The following GLIS3 variants were observed in gnomAD, a reference collection of about 807,000 sequenced individuals.
GLIS3 encodes GLIS family zinc finger 3.
In GLIS3, 53 loss-of-function variants were observed where a neutral mutation model predicts 78.6. The observed-to-expected ratio is 0.67, with a 90% CI of 0.54 to 0.85. The LOEUF (loss-of-function observed/expected upper bound fraction) is 0.85. Among genes scored for constraint, GLIS3 ranks in the 40% least tolerant of loss-of-function variants. The pLI is 0.00. For missense variants in GLIS3, 1,703 were observed against 1,231.1 expected, an observed-to-expected ratio of 1.38 and a Z score of -5.74; for synonymous variants, 684 against 509.9, an observed-to-expected ratio of 1.34 and a Z score of -4.60.
At chr9:4,003,364 C>G (rs1393595977) in intron 4 of GLIS3, among the ~76,000 whole-genome samples, 5 of 151,982 alleles carry the variant, frequency 3.3e-5, no homozygotes, top group Non-Finnish European at 7.4e-5. Flanking sequence ...AGAAAGAGGA[C>G]AGAGATAGAG....
intron 2 of GLIS3, among the ~76,000 whole-genome samples, chr9:4,149,352 C>CAA (rs1564119704): frequency 1.3e-5 from 2 of 152,162 alleles, no homozygotes; most frequent in East Asian, 3.8e-4. Context: ...AGTGAGTATT[C>CAA]AAACCCCAGC....
chr9:4,298,533 G>T, intron 1 of GLIS3: 4 of 376,104 alleles, frequency 1.1e-5, no homozygotes, highest in Non-Finnish European at 2.1e-5. Context: ...GGAGAGAGCC[G>T]GCGGCTCACT....
the GLIS3 span, among the ~76,000 whole-genome samples, chr9:4,381,469 G>C: frequency 7.9e-5 from 12 of 152,292 alleles, no homozygotes; most frequent in African/African-American, 2.9e-4. Flanking sequence ...AAATGGATGG[G>C]TAAATCAAGT....
rs1384835478 is a variant in GLIS3 at position 3,937,086 on chromosome 9, T to G, written c.1814A>C (p.Gln605Pro). 5 of 1,613,772 alleles carry G rather than the reference T, an allele frequency of 3.1e-6. No homozygotes were observed. The African/African-American group carries it at 5.3e-5, about 17-fold the overall frequency. Residue 605 changes from glutamine (Q) to proline (P), a missense_variant, in exon 5 of 11, where the codon CAG becomes CCG. Coordinates refer to ENST00000381971, the MANE Select transcript of GLIS3 (RefSeq NM_001042413.2). ...GTCACTGGAGTTACTGAAGGCCTTC[T>G]GACAACCCGGATGCTGGCACAAATA... is the stretch of plus-strand genomic sequence containing the variant. ...KPYLCQHPGC[Q>P]KAFSNSSDRA...
chr9:4,220,866 T>A (rs1821272186), intron 2 of GLIS3, among the ~76,000 whole-genome samples: 1 of 152,078 alleles, frequency 6.6e-6, no homozygotes, highest in Non-Finnish European at 1.5e-5. Context: ...GGACCTGTAA[T>A]CCCAGCTACT....
chr9:4,264,342 C>T (rs1243915112), intron 2 of GLIS3, among the ~76,000 whole-genome samples: 2 of 152,226 alleles, frequency 1.3e-5, no homozygotes, highest in Non-Finnish European at 2.9e-5. Context: ...GACCATCTCT[C>T]TCCCCAGGGC....
chr9:4,420,075 T>C, the GLIS3 span, among the ~76,000 whole-genome samples: 2 of 152,282 alleles, frequency 1.3e-5, no homozygotes, highest in South Asian at 4.1e-4. Flanking sequence ...TGTTGAAGGC[T>C]ATCAGCTGTG....
chr9:3,923,017 T>G (rs1206259399), intron 6 of GLIS3, among the ~76,000 whole-genome samples: 1 of 152,144 alleles, frequency 6.6e-6, no homozygotes, highest in Non-Finnish European at 1.5e-5. Context: ...TCCAAGATAA[T>G]TAGCCAAGTC....
At chr9:4,046,365 T>G (rs756309071) in intron 4 of GLIS3, among the ~76,000 whole-genome samples, 1 of 152,064 alleles carries the variant, frequency 6.6e-6, no homozygotes, top group African/African-American at 2.4e-5. Context: ...AATGGTACAG[T>G]ATGGATCCAA....
chr9:3,968,138 T>C (rs1353406987), intron 4 of GLIS3, among the ~76,000 whole-genome samples: 1 of 152,210 alleles, frequency 6.6e-6, no homozygotes, highest in African/African-American at 2.4e-5. Context: ...TTTTCAAAAT[T>C]GGATTTCAAA....
intron 3 of GLIS3, among the ~76,000 whole-genome samples, chr9:4,122,494 G>C (rs497572): frequency 0.37 from 56,234 of 151,560 alleles, 10,662 homozygotes; most frequent in East Asian, 0.64. Context: ...CCATCACCAA[G>C]AATTTCTGAT....
At chr9:4,307,332 T>C (rs147485959) in intron 4 of GLIS3, among the ~76,000 whole-genome samples, 135 of 152,280 alleles carry the variant, frequency 8.9e-4, no homozygotes, top group African/African-American at 3.2e-3. Context: ...ACAAGATCTA[T>C]TGTATAAATT....
intron 9 of GLIS3, among the ~76,000 whole-genome samples, chr9:3,843,002 T>TGG (rs1818815831): frequency 6.6e-6 from 1 of 152,194 alleles, no homozygotes; most frequent in Non-Finnish European, 1.5e-5. Context: ...TCAGTAGATA[T>TGG]GGATCCAGAT....
intron 2 of GLIS3, among the ~76,000 whole-genome samples, chr9:4,129,716 C>T (rs374592926): frequency 2.0e-5 from 3 of 152,114 alleles, no homozygotes; most frequent in Admixed American, 6.5e-5. Flanking sequence ...TAGCCAGGCT[C>T]GGGTATTTCT....
At chr9:4,117,103 A>G (rs1831710326) in intron 4 of GLIS3, among the ~76,000 whole-genome samples, 1 of 152,168 alleles carries the variant, frequency 6.6e-6, no homozygotes, top group Non-Finnish European at 1.5e-5. Context: ...CCTCAGCACC[A>G]AAGGCTTCCC....
At chr9:4,388,393 G>C in the GLIS3 span, among the ~76,000 whole-genome samples, 1 of 151,874 alleles carries the variant, frequency 6.6e-6, no homozygotes, top group Non-Finnish European at 1.5e-5. Context: ...GAGTAGAGAG[G>C]CAGGGCCAGG....
At chr9:3,992,726 C>T (rs1820421072) in intron 4 of GLIS3, among the ~76,000 whole-genome samples, 2 of 152,144 alleles carry the variant, frequency 1.3e-5, no homozygotes, top group Non-Finnish European at 2.9e-5. Flanking sequence ...TCTTCACTAC[C>T]TTTGTAAAGG....
chr9:3,920,776 C>T (rs554785433), intron 6 of GLIS3, among the ~76,000 whole-genome samples: 25 of 152,206 alleles, frequency 1.6e-4, no homozygotes, highest in Admixed American at 4.6e-4. Flanking sequence ...AATACAGTTT[C>T]TATTCAAAGT....
intron 9 of GLIS3, among the ~76,000 whole-genome samples, chr9:3,843,438 C>T (rs1338807916): frequency 2.0e-5 from 3 of 152,078 alleles, no homozygotes; most frequent in Admixed American, 2.0e-4. Context: ...AGTATGGAAA[C>T]CTATATAAGT....
Sources: gnomAD v4.1 joint callset for allele counts (sites outside exome capture counted in the v4.1 genomes callset) on GRCh38, gnomAD v4.1.1 for gene constraint, MANE v1.5 for transcripts, NCBI Gene and HGNC (gene_info 2026-07-23, HGNC 2026-07-21) for gene names.